LINGO2: variants seen among roughly 807,000 people sequenced by gnomAD.
The protein encoded by LINGO2 is leucine rich repeat and Ig domain containing 2.
Under a neutral mutation model 30.6 loss-of-function variants are expected in LINGO2, and 14 were observed. The ratio of observed to expected loss-of-function variants is 0.46; its 90% CI spans 0.30 to 0.72. LINGO2 has a LOEUF of 0.72. Among genes scored for constraint, LINGO2 ranks in the 30% least tolerant of loss-of-function variants. The pLI is 0.07. For synonymous variants in LINGO2, 317 were observed against 288.5 expected, an observed-to-expected ratio of 1.10 and a Z score of -1.00; for missense variants, 729 against 751.7, an observed-to-expected ratio of 0.97 and a Z score of 0.35.
At chr9:28,705,278 T>C in the LINGO2 span, among the ~76,000 whole-genome samples, 1 of 151,998 alleles carries the variant, frequency 6.6e-6, no homozygotes, top group African/African-American at 2.4e-5. Context: ...TTATAGTAAA[T>C]AGGCCTTTAG....
intron 1 of LINGO2, among the ~76,000 whole-genome samples, chr9:28,667,281 T>A (rs1453043004): frequency 1.3e-5 from 2 of 152,182 alleles, no homozygotes; most frequent in South Asian, 4.1e-4. Flanking sequence ...CTTTCTCATA[T>A]TGGGTCACAT....
At chr9:28,507,212 A>AGTGTGTGTGTGTGTGTGT (rs74182511) in intron 1 of LINGO2, among the ~76,000 whole-genome samples, 4 of 148,996 alleles carry the variant, frequency 2.7e-5, no homozygotes, top group African/African-American at 9.9e-5. Flanking sequence ...ATTTCAGAGG[A>AGTGTGTGTGTGTGTGTGT]GTGTGTGTGT....
the LINGO2 span, among the ~76,000 whole-genome samples, chr9:28,841,322 G>C: frequency 9.2e-5 from 14 of 151,726 alleles, 1 homozygote; most frequent in African/African-American, 3.4e-4. Context: ...ATGAACAAAA[G>C]ATTGGCACCT....
the LINGO2 span, among the ~76,000 whole-genome samples, chr9:29,176,109 C>T: frequency 3.8e-3 from 575 of 152,206 alleles, 3 homozygotes; most frequent in African/African-American, 0.013. Flanking sequence ...AAGTTTCTGG[C>T]ATTTTAAACA....
At chr9:28,664,640 A>C (rs1056926936) in intron 1 of LINGO2, among the ~76,000 whole-genome samples, 2 of 152,048 alleles carry the variant, frequency 1.3e-5, no homozygotes, top group Admixed American at 6.6e-5. Flanking sequence ...TTTTCATCAA[A>C]TGGCTATCGC....
the LINGO2 span, among the ~76,000 whole-genome samples, chr9:28,774,219 T>C: frequency 6.6e-6 from 1 of 152,188 alleles, no homozygotes; most frequent in Non-Finnish European, 1.5e-5. Context: ...TCTATTCTTA[T>C]AATAGTTTTC....
chr9:29,063,163 T>TGGATCA, the LINGO2 span, among the ~76,000 whole-genome samples: 6 of 151,878 alleles, frequency 4.0e-5, no homozygotes, highest in South Asian at 1.0e-3. Context: ...GGACATTTAG[T>TGGATCA]CCTCTGGGAA....
At chr9:28,721,543 G>A in the LINGO2 span, among the ~76,000 whole-genome samples, 4 of 152,220 alleles carry the variant, frequency 2.6e-5, no homozygotes, top group South Asian at 8.3e-4. Flanking sequence ...ATCATTCTCA[G>A]AAAACTAACA....
At chr9:28,827,160 A>C in the LINGO2 span, among the ~76,000 whole-genome samples, 4 of 152,194 alleles carry the variant, frequency 2.6e-5, no homozygotes, top group Non-Finnish European at 4.4e-5. Context: ...TAGCTACCTG[A>C]ATCAAGTCCA....
chr9:28,982,917 C>T, the LINGO2 span, among the ~76,000 whole-genome samples: 6 of 151,484 alleles, frequency 4.0e-5, no homozygotes, highest in African/African-American at 1.5e-4. Flanking sequence ...AAATGTATCT[C>T]CATTTGGTTT....
intron 1 of LINGO2, among the ~76,000 whole-genome samples, chr9:28,537,249 A>G (rs1489287491): frequency 6.6e-6 from 1 of 152,142 alleles, no homozygotes; most frequent in Non-Finnish European, 1.5e-5. Flanking sequence ...CTGAGAGACA[A>G]TATATTTCCA....
chr9:28,819,831 T>G, the LINGO2 span, among the ~76,000 whole-genome samples: 5 of 152,164 alleles, frequency 3.3e-5, no homozygotes, highest in African/African-American at 1.2e-4. Context: ...TCCTGGGCTA[T>G]AGAAACCACA....
intron 1 of LINGO2, among the ~76,000 whole-genome samples, chr9:28,643,048 A>C (rs1307392723): frequency 6.6e-6 from 1 of 152,098 alleles, no homozygotes; most frequent in East Asian, 1.9e-4. Flanking sequence ...AGGACACCAA[A>C]CGATAGAAAG....
intron 3 of LINGO2, among the ~76,000 whole-genome samples, chr9:28,366,192 T>C (rs1259755213): frequency 6.6e-6 from 1 of 152,156 alleles, no homozygotes; most frequent in Admixed American, 6.5e-5. Context: ...TTGTTGCATC[T>C]GTGAAGAAGA....
intron 2 of LINGO2, among the ~76,000 whole-genome samples, chr9:28,433,074 C>G (rs1823745351): frequency 6.6e-6 from 1 of 151,944 alleles, no homozygotes; most frequent in Admixed American, 6.6e-5. Context: ...TTAATTGTTA[C>G]TTTTTAGCAT....
chr9:28,195,533 TATA>T (rs1819981767), intron 4 of LINGO2, among the ~76,000 whole-genome samples: 1 of 150,160 alleles, frequency 6.7e-6, no homozygotes. Flanking sequence ...ATATCATAAT[TATA>T]ATAATAATTA....
At chr9:28,453,865 TAA>T (rs144060687) in intron 2 of LINGO2, among the ~76,000 whole-genome samples, 32 of 151,966 alleles carry the variant, frequency 2.1e-4, no homozygotes, top group African/African-American at 7.7e-4. Flanking sequence ...ATTAGTGGTT[TAA>T]AAAAAATCAT....
At chr9:28,007,923 A>G (rs758457181) in intron 5 of LINGO2, among the ~76,000 whole-genome samples, 3 of 152,188 alleles carry the variant, frequency 2.0e-5, no homozygotes, top group Non-Finnish European at 4.4e-5. Context: ...CTAATGTTCA[A>G]AAAGTTCAGC....
At chr9:28,994,238 A>T in the LINGO2 span, among the ~76,000 whole-genome samples, 1 of 152,216 alleles carries the variant, frequency 6.6e-6, no homozygotes, top group Non-Finnish European at 1.5e-5. Context: ...ACAAACATAG[A>T]GCCAAATCAT....
Sources: allele counts gnomAD v4.1 joint callset (sites outside exome capture counted in the v4.1 genomes callset), GRCh38; gene constraint gnomAD v4.1.1; transcripts MANE v1.5; gene names NCBI Gene and HGNC (gene_info 2026-07-23, HGNC 2026-07-21).